MARCHF2: variants seen among roughly 807,000 people sequenced by gnomAD.
The protein encoded by MARCHF2 is membrane associated ring-CH-type finger 2, also known as E3 ubiquitin-protein ligase MARCHF2.
Under a neutral mutation model 24.0 loss-of-function variants are expected in MARCHF2, and 22 were observed. The observed-to-expected ratio is 0.92, with a 90% CI of 0.66 to 1.31. The LOEUF (loss-of-function observed/expected upper bound fraction) is 1.31. Ranked by LOEUF, MARCHF2 falls within the 50% of genes most tolerant of loss-of-function variation. The pLI is 0.00. For synonymous variants in MARCHF2, 154 were observed against 153.0 expected (o/e 1.01, Z -0.05); for missense variants, 301 against 335.3 (o/e 0.90, Z 0.80).
intron 1 of MARCHF2, among the ~76,000 whole-genome samples, chr19:8,421,441 A>T (rs202044164): frequency 8.1e-6 from 1 of 123,544 alleles, no homozygotes; most frequent in Admixed American, 1.0e-4. Context: ...GTTGGCCAGG[A>T]TGGTCTTGAT....
chr19:8,421,903 C>G lies in MARCHF2; in HGVS notation c.63C>G (p.Ala21=). 6.2e-7 allele frequency: 1 copy of G among 1,613,906 alleles called. No homozygotes were observed. Among genetic ancestry groups the G allele is most frequent in the Non-Finnish European group, 8.5e-7 (1 of 1,179,930 alleles). Residue 21 remains alanine (A), a synonymous_variant, in exon 2 of 5, where the codon GCC becomes GCG. Coordinates refer to ENST00000215555, the MANE Select transcript of MARCHF2 (RefSeq NM_001005415.2). ...TGTGTGACTGCTCCGGCAGCCCTGCCTTCTCCAAGGTCGTGGAGGCTACGG... is the reference window on the plus strand; with the variant it reads ...TGTGTGACTGCTCCGGCAGCCCTGCGTTCTCCAAGGTCGTGGAGGCTACGG... ...GSLCDCSGSP[A]FSKVVEATGL... is the part of the protein sequence containing the mutation.
In MARCHF2 at chr19:8,426,774, A is replaced by C; in HGVS notation, c.342A>C (p.Ala114=). The change falls in exon 3 of 5, where the codon GCA becomes GCC. Residue 114 remains alanine (A), a synonymous_variant. Transcript: ENST00000215555. Reference sequence around the variant, plus strand: ...GCGAGCTGTGCCACACGGAGTTTGCAGTGGAGAAACGGCCTCGACCCCTCA... The same window carrying C: ...GCGAGCTGTGCCACACGGAGTTTGCCGTGGAGAAACGGCCTCGACCCCTCA... The part of the protein sequence containing the change: ...SYCELCHTEF[A]VEKRPRPLTE... 6 of 1,612,406 alleles carry C rather than the reference A, an allele frequency of 3.7e-6. No individual in the cohort carries two copies. The highest frequency in any genetic ancestry group is 5.1e-6 in the Non-Finnish European group (6 of 1,180,008).
intron 1 of MARCHF2, among the ~76,000 whole-genome samples, chr19:8,419,075 G>C (rs1055463200): frequency 2.0e-5 from 3 of 152,090 alleles, no homozygotes; most frequent in Non-Finnish European, 2.9e-5. Flanking sequence ...GAAATTCTCT[G>C]CCGGGCCGGG....
chr19:8,430,987 G>C lies in MARCHF2; in HGVS notation c.582+120G>C. 1.0e-6 allele frequency: 1 copy of C among 1,003,200 alleles called. No individual in the cohort carries two copies. The highest frequency in any genetic ancestry group is 1.4e-6 in the Non-Finnish European group (1 of 694,128). 62.1% of individuals were successfully genotyped at this position (1,003,200 alleles called of 1,614,324 possible). A position where few individuals can be genotyped will look rare whatever the true frequency, so the allele number is the denominator to read the frequency against. ...TCCCTGGCTGCCTCTGTCTATGGCC[G>C]TGGGTGGAAGAGAGCTTCTGAGGTC... is the stretch of plus-strand genomic sequence containing the variant. On this transcript the variant is annotated intron_variant, in intron 4 of 4. Coordinates refer to ENST00000215555, the MANE Select transcript of MARCHF2 (RefSeq NM_001005415.2). This position sits in a 1 kb window ranked among gnomAD's most constrained non-coding sequence, Gnocchi z 4.4.
At chr19:8,418,604 A>C (rs1469125431) in intron 1 of MARCHF2, 2 of 152,376 alleles carry the variant, frequency 1.3e-5, no homozygotes, top group East Asian at 3.9e-4. Context: ...AGCTCACTAC[A>C]GCCTTGAACT....
At chr19:8,437,347 CTATTTTTTTTT>C (rs1264235798) in intron 4 of MARCHF2, among the ~76,000 whole-genome samples, 3 of 113,948 alleles carry the variant, frequency 2.6e-5, no homozygotes, top group Non-Finnish European at 5.3e-5. Context: ...ATTCATTCAC[CTATTTTTTTTT>C]TTTTTTTTTT....
chr19:8,424,814 G>A (rs1275404222), intron 2 of MARCHF2, among the ~76,000 whole-genome samples: 1 of 152,232 alleles, frequency 6.6e-6, no homozygotes, highest in East Asian at 1.9e-4. Context: ...TGGAGTTTAC[G>A]GGGAAACAAA....
At position 8,413,331 on chromosome 19, in the gene MARCHF2, C is replaced by G. The variant is rs905548203; in HGVS notation, c.-142C>G. On this transcript the variant is annotated 5_prime_UTR_variant, in exon 1 of 5. Transcript: ENST00000215555. ...GACGCAGGTGCCGGCCGGAGCGGAGCTAGTGGCGCCGACGGGCCGGGCCGG... is the reference window on the plus strand; with the variant it reads ...GACGCAGGTGCCGGCCGGAGCGGAGGTAGTGGCGCCGACGGGCCGGGCCGG... 1 of 151,958 alleles carries G rather than the reference C, an allele frequency of 6.6e-6. No homozygotes were observed. Among genetic ancestry groups the G allele is most frequent in the African/African-American group, 2.4e-5 (1 of 41,510 alleles). 9.4% of individuals were successfully genotyped at this position (151,958 alleles called of 1,614,324 possible).
intron 3 of MARCHF2, among the ~76,000 whole-genome samples, chr19:8,428,683 A>G (rs1257201061): frequency 8.1e-6 from 1 of 123,320 alleles, no homozygotes; most frequent in Non-Finnish European, 1.7e-5. Context: ...AAAAAAAAAA[A>G]CCAAGGCTGG....
At chr19:8,416,398 G>T (rs1369495833) in intron 1 of MARCHF2, among the ~76,000 whole-genome samples, 1 of 151,972 alleles carries the variant, frequency 6.6e-6, no homozygotes, top group Non-Finnish European at 1.5e-5. Flanking sequence ...AGCAGCTCTG[G>T]GCTAGACAGA....
At chr19:8,416,203 A>G (rs1314177601) in intron 1 of MARCHF2, among the ~76,000 whole-genome samples, 1 of 151,744 alleles carries the variant, frequency 6.6e-6, no homozygotes, top group Non-Finnish European at 1.5e-5. Flanking sequence ...TTAGCCGGGT[A>G]TGGTGGTGGG....
In MARCHF2 at chr19:8,426,763, A is replaced by G. The variant is rs1483521660; in HGVS notation, c.331A>G (p.Thr111Ala). The G allele has an allele frequency of 6.2e-7, 1 of 1,612,542 alleles. No individual in the cohort carries two copies. The highest frequency in any genetic ancestry group is 1.1e-5 in the South Asian group (1 of 91,010). The change falls in exon 3 of 5, where the codon ACG becomes GCG. Residue 111 changes from threonine to alanine, a missense_variant. Coordinates refer to ENST00000215555, the MANE Select transcript of MARCHF2 (RefSeq NM_001005415.2). ...SNTSYCELCH[T>A]EFAVEKRPRP... ...CACCAGCTACTGCGAGCTGTGCCAC[A>G]CGGAGTTTGCAGTGGAGAAACGGCC...
At position 8,438,409 on chromosome 19, in the gene MARCHF2, CA is replaced by C; in HGVS notation, c.605del (p.Gln202ArgfsTer15). The C allele has an allele frequency of 1.2e-6, 2 of 1,613,890 alleles. No homozygotes were observed. Among genetic ancestry groups the C allele is most frequent in the Non-Finnish European group, 1.7e-6 (2 of 1,180,040 alleles). ...WTLVSFRYHCQLYSEWRKTNQ... is the reference protein window; with the variant it reads ...WTLVSFRYHCXLYSEWRKTNQ... ...ACAGGTCTCCTTCCGCTACCACTGCCAGCTGTACTCCGAGTGGAGAAAGACC... is the reference window on the plus strand; with the variant it reads ...ACAGGTCTCCTTCCGCTACCACTGCCGCTGTACTCCGAGTGGAGAAAGACC... On this transcript the variant is annotated frameshift_variant, in exon 5 of 5. Coordinates refer to ENST00000215555, the MANE Select transcript of MARCHF2 (RefSeq NM_001005415.2). LOFTEE classifies it high-confidence loss of function.
At position 8,430,794 on chromosome 19, in the gene MARCHF2, A is replaced by G. The variant is rs756090749; in HGVS notation, c.509A>G (p.His170Arg). 3 of 1,611,186 alleles carry G rather than the reference A, an allele frequency of 1.9e-6. No individual in the cohort carries two copies. The highest frequency in any genetic ancestry group is 2.2e-5 in the East Asian group (1 of 44,880). The stretch of plus-strand genomic sequence containing the variant: ...GGGGCCCAGGACCACCTCCGGCTCC[A>G]CAGCCAGCTGGAGGCCGTGGGTCTC... ...LRGAQDHLRL[H>R]SQLEAVGLIA... Residue 170 changes from histidine to arginine, a missense_variant, in exon 4 of 5, where the codon CAC becomes CGC. By Grantham distance (29) the His-to-Arg change is conservative. Transcript: ENST00000215555. This position sits in a 1 kb window ranked among gnomAD's most constrained non-coding sequence, Gnocchi z 4.4.
intron 1 of MARCHF2, chr19:8,418,551 G>C (rs1425866304): frequency 6.6e-6 from 1 of 152,664 alleles, no homozygotes; most frequent in South Asian, 2.1e-4. Context: ...TGGAGACTGG[G>C]TCTTGCTCTG....
chr19:8,430,900 G>C lies in MARCHF2; in HGVS notation c.582+33G>C. 2.6e-6 allele frequency: 4 copies of C among 1,534,934 alleles called. No homozygotes were observed. Among genetic ancestry groups the C allele is most frequent in the Non-Finnish European group, 3.5e-6 (4 of 1,139,692 alleles). On this transcript the variant is annotated intron_variant, in intron 4 of 4. Coordinates refer to ENST00000215555, the MANE Select transcript of MARCHF2 (RefSeq NM_001005415.2). The surrounding 1 kb of genome is among the most constrained non-coding windows in gnomAD (Gnocchi z 4.4). The stretch of plus-strand genomic sequence containing the variant: ...GCTGTGGTTGTGCAGCACGCGTCTC[G>C]AGCTCTGCCGCTGGGAGCAGCAGGG...
chr19:8,416,880 C>T (rs1017167609), intron 1 of MARCHF2, among the ~76,000 whole-genome samples: 2 of 152,140 alleles, frequency 1.3e-5, no homozygotes, highest in African/African-American at 4.8e-5. Flanking sequence ...ACAGCATTGT[C>T]GAGAAGGCTT....
intron 2 of MARCHF2, among the ~76,000 whole-genome samples, chr19:8,425,215 A>C (rs944922765): frequency 2.6e-5 from 4 of 151,828 alleles, no homozygotes; most frequent in Non-Finnish European, 5.9e-5. Flanking sequence ...CTCTACTAAA[A>C]TACAGAAAAA....
At chr19:8,415,983 C>A (rs1967076978) in intron 1 of MARCHF2, among the ~76,000 whole-genome samples, 2 of 151,996 alleles carry the variant, frequency 1.3e-5, no homozygotes, top group Non-Finnish European at 2.9e-5. Flanking sequence ...GGCTGGCCGA[C>A]CAGGATCGGA....
Sources: allele counts gnomAD v4.1 joint callset (sites outside exome capture counted in the v4.1 genomes callset), GRCh38; gene constraint gnomAD v4.1.1; non-coding constraint Gnocchi (gnomAD v3.1); transcripts MANE v1.5; gene names NCBI Gene and HGNC (gene_info 2026-07-23, HGNC 2026-07-21).